Variants in MYRIP observed in about 807,000 individuals in gnomAD.
MYRIP encodes rab effector MyRIP.
A neutral mutation model predicts 98.0 loss-of-function variants in MYRIP; 49 were observed. The observed-to-expected ratio is 0.50, with a 90% CI of 0.40 to 0.63. MYRIP has a LOEUF of 0.63. Among genes scored for constraint, MYRIP ranks in the 30% least tolerant of loss-of-function variants. The pLI is 0.00. For missense variants in MYRIP, 1,004 were observed against 1,058.2 expected (o/e 0.95, Z 0.71); for synonymous variants, 404 against 409.5 (o/e 0.99, Z 0.16).
chr3:39,878,577 G>T lies in MYRIP; in HGVS notation c.-30-22210G>T, dbSNP rs146076635. Among the ~76,000 whole-genome samples the T allele has an allele frequency of 1.7e-4, 25 of 151,492 alleles. No homozygotes were observed. In the East Asian group the frequency reaches 2.5e-3, roughly 15 times the overall value. ...ATACAAATGTATATATATACACAGA[G>T]GTGTATATATATATACATTTGTATG... On this transcript the variant is annotated intron_variant, in intron 1 of 16. Transcript: ENST00000302541.
At position 40,189,861 on chromosome 3, in the gene MYRIP, T is replaced by A; in HGVS notation, c.1063T>A (p.Trp355Arg). 1 of 1,613,876 alleles carries A rather than the reference T, an allele frequency of 6.2e-7. No homozygotes were observed. The highest frequency in any genetic ancestry group is 8.5e-7 in the Non-Finnish European group (1 of 1,179,906). ...AGTTTTGCAGAGCCCCGACGGGAAC[T>A]GGGTGGCCCTGAAGGATGGCGCTCC... The part of the protein sequence containing the change: ...APVLQSPDGN[W>R]VALKDGAPPP... The change falls in exon 10 of 17, where the codon TGG becomes AGG. Residue 355 changes from tryptophan (W) to arginine (R), a missense_variant. Trp to Arg is a moderately radical substitution (Grantham distance 101). Coordinates refer to ENST00000302541, the MANE Select transcript of MYRIP (RefSeq NM_015460.4).
At chr3:40,148,221 T>G (rs1198459892) in intron 3 of MYRIP, among the ~76,000 whole-genome samples, 1 of 152,232 alleles carries the variant, frequency 6.6e-6, no homozygotes, top group African/African-American at 2.4e-5. Context: ...TCTTTGAGGA[T>G]CTGAATTTTC....
intron 3 of MYRIP, among the ~76,000 whole-genome samples, chr3:40,053,864 TCTACAAGGCA>T (rs1490753138): frequency 1.3e-5 from 2 of 152,156 alleles, no homozygotes; most frequent in African/African-American, 2.4e-5. Flanking sequence ...GGCACTTGTG[TCTACAAGGCA>T]CTTAACTGCA....
At chr3:39,917,804 A>G (rs1944199649) in intron 2 of MYRIP, among the ~76,000 whole-genome samples, 1 of 152,198 alleles carries the variant, frequency 6.6e-6, no homozygotes, top group East Asian at 1.9e-4. Context: ...TTGACCAATC[A>G]GATCATTATA....
At chr3:40,156,464 T>A (rs1296614293) in intron 4 of MYRIP, among the ~76,000 whole-genome samples, 1 of 152,248 alleles carries the variant, frequency 6.6e-6, no homozygotes, top group Admixed American at 6.5e-5. Context: ...TAGGATTGAC[T>A]TGGCGATGTG....
Position 40,159,748 on chromosome 3 carries a change from T to C in MYRIP, c.470-2982T>C, listed in dbSNP as rs566266844. 3.2e-4 allele frequency among the ~76,000 whole-genome samples: 49 copies of C among 152,326 alleles called. 1 individual carries two copies. The highest frequency in any genetic ancestry group is 1.1e-3 in the African/African-American group (46 of 41,574). ...TTCTCACTTCATTTCATTCATTTCA[T>C]CTTCCATCACTGATACCCTTTCTTC... On this transcript the variant is annotated intron_variant, in intron 4 of 16. Coordinates refer to ENST00000302541, the MANE Select transcript of MYRIP (RefSeq NM_015460.4).
chr3:39,871,548 C>G (rs1942788945), intron 1 of MYRIP, among the ~76,000 whole-genome samples: 1 of 152,044 alleles, frequency 6.6e-6, no homozygotes, highest in South Asian at 2.1e-4. Context: ...CAGTGGTCAA[C>G]TTAATTTAAC....
At position 40,212,235 on chromosome 3, in the gene MYRIP, C is replaced by T. The variant is rs1235966369; in HGVS notation, c.1905+2142C>T. Among the ~76,000 whole-genome samples, 104 of 45,792 alleles carry T rather than the reference C, an allele frequency of 2.3e-3. 30 individuals are homozygous for T. Among genetic ancestry groups the T allele is most frequent in the Middle Eastern group, 0.02 (2 of 102 alleles). The allele number at this position is 45,792 out of a possible 152,430, so 30.0% of individuals were successfully genotyped here. A position where few individuals can be genotyped will look rare whatever the true frequency, so the allele number is the denominator to read the frequency against. On this transcript the variant is annotated intron_variant, in intron 11 of 16. Transcript: ENST00000302541. ...GTGTATATATATATATACACACACACACACACACACATATATATATATACA... is the reference window on the plus strand; with the variant it reads ...GTGTATATATATATATACACACACATACACACACACATATATATATATACA...
At chr3:40,028,651 T>G (rs538380433) in intron 2 of MYRIP, among the ~76,000 whole-genome samples, 25 of 152,258 alleles carry the variant, frequency 1.6e-4, no homozygotes, top group Non-Finnish European at 3.2e-4. Context: ...CTATGAACAC[T>G]AACTTCTGAT....
intron 10 of MYRIP, among the ~76,000 whole-genome samples, chr3:40,208,603 C>T (rs970967467): frequency 3.3e-5 from 5 of 152,164 alleles, no homozygotes; most frequent in Admixed American, 6.6e-5. Flanking sequence ...AACAATATTC[C>T]TTACATATGT....
In MYRIP at chr3:40,130,099, C is replaced by T. The variant is rs73065835; in HGVS notation, c.333-20949C>T. Among the ~76,000 whole-genome samples the T allele has an allele frequency of 7.7e-3, 1,174 of 152,234 alleles. 11 individuals are homozygous for T. Among genetic ancestry groups the T allele is most frequent in the Non-Finnish European group, 8.9e-3 (607 of 68,010 alleles). On this transcript the variant is annotated intron_variant, in intron 3 of 16. Coordinates refer to ENST00000302541, the MANE Select transcript of MYRIP (RefSeq NM_015460.4). ...TCACGCAGCTTTCTATTTGCTTGAA[C>T]TCTGAAGCCAAAGCCCTAATTTGCC...
intron 2 of MYRIP, among the ~76,000 whole-genome samples, chr3:39,915,584 T>G (rs961594724): frequency 6.6e-6 from 1 of 152,032 alleles, no homozygotes; most frequent in Admixed American, 6.5e-5. Context: ...AAGCAGTATC[T>G]TTTAAAAGAC....
chr3:39,983,886 G>T, intron 2 of MYRIP, among the ~76,000 whole-genome samples: 2 of 152,258 alleles, frequency 1.3e-5, no homozygotes, highest in South Asian at 4.1e-4. Flanking sequence ...AATACCCCCT[G>T]TTATTATTAA....
At chr3:39,811,697 CAA>C (rs928938723) in intron 1 of MYRIP, among the ~76,000 whole-genome samples, 11 of 149,422 alleles carry the variant, frequency 7.4e-5, no homozygotes, top group African/African-American at 2.2e-4. Flanking sequence ...TCTGAGGAGT[CAA>C]AGTGTGTCTC....
chr3:39,809,446 G>C (rs1279530504), upstream of MYRIP, among the ~76,000 whole-genome samples: 2 of 147,242 alleles, frequency 1.4e-5, no homozygotes, highest in African/African-American at 2.4e-5. Context: ...TGGAGGAACC[G>C]GCCCGGCGGG....
At chr3:40,134,746 C>G (rs1949724753) in intron 3 of MYRIP, among the ~76,000 whole-genome samples, 1 of 152,188 alleles carries the variant, frequency 6.6e-6, no homozygotes, top group African/African-American at 2.4e-5. Flanking sequence ...GTTCTGCAGC[C>G]ACCGCTGCTG....
intron 4 of MYRIP, among the ~76,000 whole-genome samples, chr3:40,151,647 G>C (rs1950124289): frequency 6.6e-6 from 1 of 152,164 alleles, no homozygotes; most frequent in Non-Finnish European, 1.5e-5. Flanking sequence ...AAAAGTGTCA[G>C]CTTCCTCCCA....
chr3:39,945,118 A>ATTTCACAGATAGTCAGGTGTGCCCAGC (rs1248435108), intron 2 of MYRIP, among the ~76,000 whole-genome samples: 20 of 151,964 alleles, frequency 1.3e-4, no homozygotes, highest in Admixed American at 7.9e-4. Flanking sequence ...CACATGCTTA[A>ATTTCACAGATAGTCAGGTGTGCCCAGC]GGTTCACAGA....
intron 2 of MYRIP, among the ~76,000 whole-genome samples, chr3:39,937,275 A>G (rs1381531673): frequency 6.6e-6 from 1 of 152,192 alleles, no homozygotes; most frequent in African/African-American, 2.4e-5. Context: ...TCAAATAGTA[A>G]AATGTGAAAG....
Sources: gnomAD v4.1 joint callset for allele counts (sites outside exome capture counted in the v4.1 genomes callset) on GRCh38, gnomAD v4.1.1 for gene constraint, MANE v1.5 for transcripts, NCBI Gene and HGNC (gene_info 2026-07-23, HGNC 2026-07-21) for gene names.